The following SCAPER variants were observed in gnomAD, a reference collection of about 807,000 sequenced individuals.
The protein encoded by SCAPER is S-phase cyclin A associated protein in the ER.
Under a neutral mutation model 182.2 loss-of-function variants are expected in SCAPER, and 98 were observed. The ratio of observed to expected loss-of-function variants is 0.54; its 90% CI spans 0.46 to 0.64. The LOEUF (loss-of-function observed/expected upper bound fraction) is 0.64. SCAPER is among the 30% of genes least tolerant of loss of function. The probability of loss-of-function intolerance (pLI) is 0.00; values close to 1 mark genes in which losing one functional copy is unlikely to be tolerated. For synonymous variants in SCAPER, 605 were observed against 564.6 expected, an observed-to-expected ratio of 1.07 and a Z score of -1.01; for missense variants, 1,432 against 1,690.0, an observed-to-expected ratio of 0.85 and a Z score of 2.68.
intron 24 of SCAPER, among the ~76,000 whole-genome samples, chr15:76,477,772 C>A (rs1370358199): frequency 6.6e-6 from 1 of 151,958 alleles, no homozygotes; most frequent in Non-Finnish European, 1.5e-5. Context: ...TGTTTATTTG[C>A]CATGTCTATT....
chr15:76,793,344 G>T, intron 8 of SCAPER: 1 of 707,240 alleles, frequency 1.4e-6, no homozygotes, highest in South Asian at 1.6e-5. Flanking sequence ...CTAATGAGTT[G>T]ACAAGTGGCT....
intron 20 of SCAPER, among the ~76,000 whole-genome samples, chr15:76,686,703 A>T (rs2058055500): frequency 6.6e-6 from 1 of 152,158 alleles, no homozygotes; most frequent in South Asian, 2.1e-4. Flanking sequence ...ACAAAACAGT[A>T]CAGCAACCAA....
intron 23 of SCAPER, among the ~76,000 whole-genome samples, chr15:76,545,977 C>A (rs769749160): frequency 1.1e-4 from 17 of 152,110 alleles, no homozygotes; most frequent in Non-Finnish European, 2.5e-4. Context: ...TCACACAGGG[C>A]AGGGAGAAAC....
intron 21 of SCAPER, among the ~76,000 whole-genome samples, chr15:76,625,000 T>C (rs745950961): frequency 2.0e-5 from 3 of 152,084 alleles, no homozygotes; most frequent in Non-Finnish European, 4.4e-5. Context: ...GGCTTGCAGG[T>C]GGATGAACCC....
intron 26 of SCAPER, among the ~76,000 whole-genome samples, chr15:76,412,941 C>G (rs2045396404): frequency 6.6e-6 from 1 of 151,962 alleles, no homozygotes; most frequent in African/African-American, 2.4e-5. Flanking sequence ...TGTTGCTTTA[C>G]TTTCATGAGA....
At chr15:76,703,027 A>G in intron 18 of SCAPER, 25 bp from the exon 19 acceptor site, 10 of 1,512,316 alleles carry the variant, frequency 6.6e-6, no homozygotes, top group Non-Finnish European at 8.8e-6. Flanking sequence ...AAAGTGCAAG[A>G]ATTTCAAAAA....
At chr15:76,649,141 T>C (rs2054801110) in intron 21 of SCAPER, among the ~76,000 whole-genome samples, 1 of 152,210 alleles carries the variant, frequency 6.6e-6, no homozygotes, top group African/African-American at 2.4e-5. Flanking sequence ...CTTTTGTCTA[T>C]TAAACCTCTG....
intron 26 of SCAPER, among the ~76,000 whole-genome samples, chr15:76,427,862 AG>A (rs997856454): frequency 1.3e-5 from 2 of 151,558 alleles, no homozygotes; most frequent in African/African-American, 4.9e-5. Context: ...GAACCTGGGT[AG>A]CAGAGGTTGC....
intron 23 of SCAPER, among the ~76,000 whole-genome samples, chr15:76,563,110 T>C (rs578229256): frequency 2.6e-5 from 4 of 152,236 alleles, no homozygotes; most frequent in Admixed American, 2.6e-4. Context: ...TAGTTTATCA[T>C]AAAATGCAGA....
At chr15:76,481,218 GA>G (rs2051110044) in intron 24 of SCAPER, among the ~76,000 whole-genome samples, 1 of 152,178 alleles carries the variant, frequency 6.6e-6, no homozygotes, top group Non-Finnish European at 1.5e-5. Flanking sequence ...AATTATTTTA[GA>G]ACTTGAAAAT....
chr15:76,375,365 T>C (rs1391942668), intron 29 of SCAPER, among the ~76,000 whole-genome samples: 2 of 148,966 alleles, frequency 1.3e-5, no homozygotes, highest in East Asian at 3.9e-4. Context: ...AGCGGGAGAG[T>C]CCTACCCTCT....
intron 4 of SCAPER, among the ~76,000 whole-genome samples, chr15:76,845,030 G>A (rs1226546786): frequency 6.6e-6 from 1 of 152,092 alleles, no homozygotes. Context: ...CATTCATCAT[G>A]ACCAAGTGTG....
At chr15:76,621,695 A>T in intron 22 of SCAPER, 69 bp downstream of exon 22, 1 of 1,218,722 alleles carries the variant, frequency 8.2e-7, no homozygotes, top group East Asian at 2.5e-5. Flanking sequence ...ACATAACATG[A>T]TGGTTGAGAT....
chr15:76,490,120 T>A (rs977758915), intron 24 of SCAPER, among the ~76,000 whole-genome samples: 1 of 152,194 alleles, frequency 6.6e-6, no homozygotes, highest in African/African-American at 2.4e-5. Flanking sequence ...AGTGGTAATA[T>A]CTCTTTGAGA....
At chr15:76,832,477 T>C (rs1347542131) in intron 5 of SCAPER, among the ~76,000 whole-genome samples, 1 of 152,210 alleles carries the variant, frequency 6.6e-6, no homozygotes, top group Admixed American at 6.5e-5. Context: ...TATGTGATAA[T>C]GTAAAGAGAA....
intron 15 of SCAPER, among the ~76,000 whole-genome samples, chr15:76,735,381 G>T (rs1280194156): frequency 6.6e-6 from 1 of 151,760 alleles, no homozygotes; most frequent in Non-Finnish European, 1.5e-5. Context: ...TCATTTAAAA[G>T]AACAGCAACA....
chr15:76,428,879 T>TATATATATATATATATATATATAA (rs2046636367), intron 26 of SCAPER, among the ~76,000 whole-genome samples: 1 of 134,690 alleles, frequency 7.4e-6, no homozygotes, highest in African/African-American at 2.8e-5. Flanking sequence ...TATATATATA[T>TATATATATATATATATATATATAA]ATATATATAT....
intron 2 of SCAPER, among the ~76,000 whole-genome samples, chr15:76,876,118 G>C (rs969370106): frequency 1.3e-5 from 2 of 152,174 alleles, no homozygotes; most frequent in Non-Finnish European, 2.9e-5. Flanking sequence ...ACAGGAGCCC[G>C]CCAAGCCCAC....
At chr15:76,472,161 G>GA in intron 24 of SCAPER, 2 of 287,558 alleles carry the variant, frequency 7.0e-6, no homozygotes, top group East Asian at 7.8e-5. Context: ...GAACAAGCCA[G>GA]AAAGATCCGT....
Sources: allele counts gnomAD v4.1 joint callset (sites outside exome capture counted in the v4.1 genomes callset), GRCh38; gene constraint gnomAD v4.1.1; transcripts MANE v1.5; gene names NCBI Gene and HGNC (gene_info 2026-07-23, HGNC 2026-07-21).